Variants in MAPK9 observed in about 807,000 individuals in gnomAD.
The protein encoded by MAPK9 is Jun kinase.
Under a neutral mutation model 57.1 loss-of-function variants are expected in MAPK9, and 30 were observed. The observed-to-expected ratio is 0.53, with a 90% CI of 0.39 to 0.71. The LOEUF (loss-of-function observed/expected upper bound fraction) is 0.71. Ranked by LOEUF, MAPK9 falls within the 30% of genes least tolerant of loss-of-function variation. The pLI is 0.00. For synonymous variants in MAPK9, 155 were observed against 177.0 expected, an observed-to-expected ratio of 0.88 and a Z score of 0.99; for missense variants, 362 against 521.0, an observed-to-expected ratio of 0.69 and a Z score of 2.97.
chr5:180,267,561 CAAAAAAA>C (rs34776289), intron 3 of MAPK9, among the ~76,000 whole-genome samples: 7 of 89,860 alleles, frequency 7.8e-5, no homozygotes, highest in South Asian at 3.9e-4. Context: ...GACTCCGTCT[CAAAAAAA>C]AAAAAAAAAA....
At position 180,236,202 on chromosome 5, in the gene MAPK9, A is replaced by G. The variant is rs1757158603; in HGVS notation, c.*182T>C. On this transcript the variant is annotated 3_prime_UTR_variant, in exon 12 of 12. Transcript: ENST00000452135. ...TGGCTTGCAATTTTTTTCTTCAGAC[A>G]TATTCTGCCTCATTTTATCATCTAA... 5.3e-6 allele frequency: 3 copies of G among 560,906 alleles called. No homozygotes were observed. In the East Asian group the frequency reaches 1.0e-4, roughly 19 times the overall value. The allele number at this position is 560,906 out of a possible 1,614,324, so 34.7% of individuals were successfully genotyped here.
At chr5:180,268,076 G>A (rs67250934) in intron 3 of MAPK9, among the ~76,000 whole-genome samples, 21,742 of 151,896 alleles carry the variant, frequency 0.14, 1,772 homozygotes, top group East Asian at 0.21. Context: ...CACCCGCCTC[G>A]GCCTCCTAAA....
intron 2 of MAPK9, among the ~76,000 whole-genome samples, chr5:180,275,962 A>G (rs532833166): frequency 1.3e-5 from 2 of 152,332 alleles, no homozygotes; most frequent in South Asian, 4.1e-4. Context: ...ATCTTTGTAC[A>G]GGTGTTCGGG....
At chr5:180,289,248 T>C (rs1763030929) in intron 1 of MAPK9, among the ~76,000 whole-genome samples, 1 of 152,236 alleles carries the variant, frequency 6.6e-6, no homozygotes, top group African/African-American at 2.4e-5. Context: ...CACATTCAAG[T>C]ATCCCCTCTG....
intron 3 of MAPK9, among the ~76,000 whole-genome samples, chr5:180,267,624 C>CTCAAGCCACAGACTCAAAAGAA (rs1760765837): frequency 6.7e-6 from 1 of 148,720 alleles, no homozygotes; most frequent in African/African-American, 2.5e-5. Context: ...TTTAAACCAA[C>CTCAAGCCACAGACTCAAAAGAA]TCAAGCCACA....
At chr5:180,281,880 T>A (rs929190906) in intron 1 of MAPK9, among the ~76,000 whole-genome samples, 1 of 152,166 alleles carries the variant, frequency 6.6e-6, no homozygotes, top group African/African-American at 2.4e-5. Flanking sequence ...AGGGAGTGAC[T>A]CCAGTGACGC....
chr5:180,288,980 T>A (rs999364586), intron 1 of MAPK9, among the ~76,000 whole-genome samples: 10 of 152,222 alleles, frequency 6.6e-5, no homozygotes, highest in African/African-American at 2.2e-4. Flanking sequence ...TACAATCAAG[T>A]ACAAAGTATC....
intron 5 of MAPK9, among the ~76,000 whole-genome samples, chr5:180,251,747 G>A (rs527786505): frequency 5.3e-5 from 8 of 152,118 alleles, no homozygotes; most frequent in Non-Finnish European, 7.4e-5. Flanking sequence ...CGCCTGGATC[G>A]GGGCTTGGCT....
rs370854878 is a variant in MAPK9, at chr5:180,268,949, C to G, written c.252+331G>C. Among the ~76,000 whole-genome samples the G allele has an allele frequency of 9.9e-4, 149 of 151,246 alleles. 5 individuals are homozygous for G. In the South Asian group the frequency reaches 0.029, roughly 29 times the overall value. On this transcript the variant is annotated intron_variant, in intron 3 of 11. Transcript: ENST00000452135. ...GGCCAGGAGATCAAGACCATCCTGA[C>G]TAACATGGTGAAACCCCATCTCTAC...
intron 1 of MAPK9, among the ~76,000 whole-genome samples, chr5:180,282,199 T>TG (rs375634052): frequency 4.6e-5 from 7 of 152,250 alleles, no homozygotes; most frequent in African/African-American, 1.7e-4. Context: ...CCCACAGTGC[T>TG]GCTCCATTTT....
intron 7 of MAPK9, among the ~76,000 whole-genome samples, chr5:180,244,087 G>C (rs1436596652): frequency 6.6e-6 from 1 of 152,126 alleles, no homozygotes; most frequent in African/African-American, 2.4e-5. Context: ...GGCCTCAAGT[G>C]ATCTGCCTGC....
At chr5:180,238,605 C>CTTTTTTTTTTTTTTTT in intron 10 of MAPK9, among the ~76,000 whole-genome samples, 1 of 129,624 alleles carries the variant, frequency 7.7e-6, no homozygotes, top group Admixed American at 7.8e-5. Context: ...TTTTCTTCTT[C>CTTTTTTTTTTTTTTTT]TTCTTTTTTT....
At chr5:180,283,617 G>A (rs185942320) in intron 1 of MAPK9, among the ~76,000 whole-genome samples, 1 of 152,318 alleles carries the variant, frequency 6.6e-6, no homozygotes, top group Admixed American at 6.5e-5. Context: ...CTCATATTAG[G>A]TTTTAGAATT....
chr5:180,269,007 C>T (rs1037880324), intron 3 of MAPK9, among the ~76,000 whole-genome samples: 28 of 151,222 alleles, frequency 1.9e-4, no homozygotes, highest in Non-Finnish European at 2.9e-5. Flanking sequence ...GGCGTGGTGG[C>T]AGGCGCCTGT....
At chr5:180,249,201 TC>T in intron 5 of MAPK9, 63 bp from the exon 6 acceptor site, 2 of 1,452,836 alleles carry the variant, frequency 1.4e-6, no homozygotes, top group Non-Finnish European at 1.9e-6. Flanking sequence ...CTACTTCACA[TC>T]CGTGAGGGTC....
At chr5:180,280,755 C>A in intron 1 of MAPK9, 147 bp from the exon 2 acceptor site, 2 of 603,870 alleles carry the variant, frequency 3.3e-6, no homozygotes, top group Non-Finnish European at 5.2e-6. Context: ...TTAAGCAAGA[C>A]ACAAAAAAAT....
chr5:180,280,374 C>T, intron 2 of MAPK9, 66 bp downstream of exon 2: 2 of 1,560,170 alleles, frequency 1.3e-6, no homozygotes, highest in Non-Finnish European at 1.7e-6. Flanking sequence ...TAAATCCTGA[C>T]ACTTTAGTTT....
In MAPK9 at chr5:180,247,446, G is replaced by A. The variant is rs749744197; in HGVS notation, c.681C>T (p.Gly227=). The change falls in exon 7 of 12, where the codon GGC becomes GGT. Residue 227 remains glycine (G), a synonymous_variant. Transcript: ENST00000452135. This position sits in a 1 kb window ranked among gnomAD's most constrained non-coding sequence, Gnocchi z 4.5. The part of the protein sequence containing the change: ...ELVKGCVIFQ[G]TDHIDQWNKV... ...GGTCGCGGGGAAGGATACGGTCAGT[G>A]CCTTGGAATATCACACAACCTTTCA... is the stretch of plus-strand genomic sequence containing the variant. 1 of 1,614,186 alleles carries A rather than the reference G, an allele frequency of 6.2e-7. No individual in the cohort carries two copies. The highest frequency in any genetic ancestry group is 8.5e-7 in the Non-Finnish European group (1 of 1,180,026).
chr5:180,266,286 G>A (rs1032317683), intron 3 of MAPK9, among the ~76,000 whole-genome samples: 3 of 151,398 alleles, frequency 2.0e-5, no homozygotes, highest in Non-Finnish European at 4.4e-5. Context: ...TAGTGCTGGG[G>A]GATTCTGAAG....
Sources: allele counts gnomAD v4.1 joint callset (sites outside exome capture counted in the v4.1 genomes callset), GRCh38; gene constraint gnomAD v4.1.1; non-coding constraint Gnocchi (gnomAD v3.1); transcripts MANE v1.5; gene names NCBI Gene and HGNC (gene_info 2026-07-23, HGNC 2026-07-21).